Variants in ZNRF2 observed in about 807,000 individuals in gnomAD.
The protein encoded by ZNRF2 is zinc and ring finger 2, also known as E3 ubiquitin-protein ligase ZNRF2.
Under a neutral mutation model 20.4 loss-of-function variants are expected in ZNRF2, and 16 were observed. The observed-to-expected ratio is 0.79, with a 90% CI of 0.53 to 1.19. The LOEUF is 1.19. Among genes scored for constraint, ZNRF2 ranks in the 50% most tolerant of loss-of-function variants. The probability of loss-of-function intolerance (pLI) is 0.00; values close to 1 mark genes in which losing one functional copy is unlikely to be tolerated. For synonymous variants in ZNRF2, 178 were observed against 144.9 expected (o/e 1.23, Z -1.64); for missense variants, 363 against 332.4 (o/e 1.09, Z -0.72).
At chr7:30,314,558 G>A (rs151270845) in intron 1 of ZNRF2, among the ~76,000 whole-genome samples, 93 of 152,054 alleles carry the variant, frequency 6.1e-4, no homozygotes, top group African/African-American at 2.1e-3. Flanking sequence ...GGGCTAGAAG[G>A]TAATAAAAGG....
At chr7:30,300,314 A>G (rs533752803) in intron 1 of ZNRF2, among the ~76,000 whole-genome samples, 2 of 150,482 alleles carry the variant, frequency 1.3e-5, no homozygotes, top group Admixed American at 1.3e-4. Flanking sequence ...ACGCCTGGCT[A>G]ATTTCTGTAT....
chr7:30,315,178 A>G (rs904540081), intron 1 of ZNRF2, among the ~76,000 whole-genome samples: 5 of 152,064 alleles, frequency 3.3e-5, no homozygotes, highest in Non-Finnish European at 5.9e-5. Flanking sequence ...TGATTTGCTC[A>G]TGGTACCTAA....
At chr7:30,289,384 G>A (rs969208977) in intron 1 of ZNRF2, among the ~76,000 whole-genome samples, 1 of 152,178 alleles carries the variant, frequency 6.6e-6, no homozygotes, top group Non-Finnish European at 1.5e-5. Context: ...TAACCATTAT[G>A]GAATCGGTCT....
intron 1 of ZNRF2, among the ~76,000 whole-genome samples, chr7:30,294,494 G>A (rs11769077): frequency 0.037 from 5,658 of 152,164 alleles, 173 homozygotes; most frequent in Non-Finnish European, 0.056. Context: ...TAGAAATATT[G>A]CACCGTGGCT....
chr7:30,295,046 AGAGAGTGTGTGTGTGT>A lies in ZNRF2; in HGVS notation c.469+9222_469+9237del, dbSNP rs1373816564. Among the ~76,000 whole-genome samples, 255 of 98,432 alleles carry A rather than the reference AGAGAGTGTGTGTGTGT, an allele frequency of 2.6e-3. 1 individual carries two copies. The Middle Eastern group carries it at 0.032, about 12-fold the overall frequency. The allele number at this position is 98,432 out of a possible 152,430, so 64.6% of individuals were successfully genotyped here. ...GAGAGAGAGAGAGAGAGAGAGAGAG[AGAGAGTGTGTGTGTGT>A]GTGTGTGTGTGTGTGTGTGTGTGTG... On this transcript the variant is annotated intron_variant, in intron 1 of 4. Coordinates refer to ENST00000323037, the MANE Select transcript of ZNRF2 (RefSeq NM_147128.4).
At chr7:30,299,801 A>T (rs1242898417) in intron 1 of ZNRF2, among the ~76,000 whole-genome samples, 1 of 127,902 alleles carries the variant, frequency 7.8e-6, no homozygotes, top group Non-Finnish European at 1.6e-5. Flanking sequence ...TTTTTGGGAG[A>T]CAGAGTCTCG....
intron 2 of ZNRF2, among the ~76,000 whole-genome samples, chr7:30,346,424 G>T (rs925645026): frequency 6.6e-6 from 1 of 151,756 alleles, no homozygotes; most frequent in Non-Finnish European, 1.5e-5. Context: ...CAACTCCTCA[G>T]GTGATCCGCC....
At chr7:30,348,478 G>A (rs1396059034) in intron 2 of ZNRF2, among the ~76,000 whole-genome samples, 5 of 152,166 alleles carry the variant, frequency 3.3e-5, no homozygotes, top group Non-Finnish European at 1.5e-5. Context: ...TACAGAGGTG[G>A]CAAAGGATTG....
intron 1 of ZNRF2, among the ~76,000 whole-genome samples, chr7:30,293,111 A>G (rs964673712): frequency 6.6e-6 from 1 of 151,702 alleles, no homozygotes; most frequent in Non-Finnish European, 1.5e-5. Context: ...AGCCACCTGG[A>G]TTAGATGTGG....
chr7:30,320,853 A>AT (rs898831995), intron 1 of ZNRF2, among the ~76,000 whole-genome samples: 3 of 151,838 alleles, frequency 2.0e-5, no homozygotes, highest in Admixed American at 6.6e-5. Context: ...ACCATGATAC[A>AT]TTTTTTTTCT....
intron 2 of ZNRF2, 25 bp from the exon 3 acceptor site, chr7:30,355,703 C>A: frequency 6.4e-7 from 1 of 1,565,750 alleles, no homozygotes; most frequent in South Asian, 1.1e-5. Flanking sequence ...TTTTATTGTC[C>A]TGAATTCATT....
At chr7:30,362,351 A>T in intron 3 of ZNRF2, 26 bp from the exon 4 acceptor site, 1 of 1,534,360 alleles carries the variant, frequency 6.5e-7, no homozygotes, top group South Asian at 1.3e-5. Context: ...AAGTATCTCA[A>T]TTTTTCTGGT....
intron 2 of ZNRF2, among the ~76,000 whole-genome samples, chr7:30,330,877 G>A (rs1331399178): frequency 6.6e-6 from 1 of 152,062 alleles, no homozygotes; most frequent in Non-Finnish European, 1.5e-5. Context: ...GCAGGTTTCT[G>A]TTCTCTGATT....
chr7:30,339,179 A>G (rs559440566), intron 2 of ZNRF2, among the ~76,000 whole-genome samples: 1 of 152,240 alleles, frequency 6.6e-6, no homozygotes, highest in Admixed American at 6.5e-5. Context: ...CCTTTGTCAG[A>G]TGGATAGACT....
At chr7:30,292,744 C>T (rs1269293042) in intron 1 of ZNRF2, among the ~76,000 whole-genome samples, 3 of 152,020 alleles carry the variant, frequency 2.0e-5, no homozygotes, top group Non-Finnish European at 4.4e-5. Context: ...TATAAAGGCC[C>T]TGAGGCATGA....
Position 30,285,657 on chromosome 7 carries a change from C to A in ZNRF2, c.300C>A (p.Pro100=). ...CGGGGGCCCGCGCGGCGCAGTCCCC[C>A]TTCAGCATCCCGAACAGCAGCAGCG... is the stretch of plus-strand genomic sequence containing the variant. ...VASGARAAQS[P]FSIPNSSSGP... Residue 100 remains proline, a synonymous_variant, in exon 1 of 5, where the codon CCC becomes CCA. Transcript: ENST00000323037. 2 of 1,410,652 alleles carry A rather than the reference C, an allele frequency of 1.4e-6. No individual in the cohort carries two copies. Among genetic ancestry groups the A allele is most frequent in the South Asian group, 2.9e-5 (2 of 68,306 alleles). The allele number at this position is 1,410,652 out of a possible 1,614,324, so 87.4% of individuals were successfully genotyped here. A position where few individuals can be genotyped will look rare whatever the true frequency, so the allele number is the denominator to read the frequency against.
At chr7:30,349,957 G>A (rs145988732) in intron 2 of ZNRF2, among the ~76,000 whole-genome samples, 83 of 152,070 alleles carry the variant, frequency 5.5e-4, no homozygotes, top group African/African-American at 1.9e-3. Context: ...ACAATGAGAG[G>A]GCATAGGAAA....
At chr7:30,306,290 G>A (rs1224697330) in intron 1 of ZNRF2, among the ~76,000 whole-genome samples, 1 of 151,550 alleles carries the variant, frequency 6.6e-6, no homozygotes, top group African/African-American at 2.4e-5. Context: ...TTGAAACAAA[G>A]TCAGGAAGAA....
chr7:30,298,304 A>C (rs1799051432), intron 1 of ZNRF2, among the ~76,000 whole-genome samples: 1 of 152,016 alleles, frequency 6.6e-6, no homozygotes. Flanking sequence ...GTTTCTTCCC[A>C]CTTGCTTTTT....
Sources: gnomAD v4.1 joint callset for allele counts (sites outside exome capture counted in the v4.1 genomes callset) on GRCh38, gnomAD v4.1.1 for gene constraint, MANE v1.5 for transcripts, NCBI Gene and HGNC (gene_info 2026-07-23, HGNC 2026-07-21) for gene names.